The following CCDC73 variants were observed in gnomAD, a reference collection of about 807,000 sequenced individuals.
CCDC73 encodes the protein coiled-coil domain containing 73, also known as coiled-coil domain-containing protein 73.
CCDC73 carries 95 observed loss-of-function variants against 116.5 expected under a neutral mutation model. The ratio of observed to expected loss-of-function variants is 0.82; its 90% CI spans 0.69 to 0.97. The LOEUF (loss-of-function observed/expected upper bound fraction) is 0.97, where lower values mean the gene tolerates loss of function less well. Among genes scored for constraint, CCDC73 ranks in the 50% least tolerant of loss-of-function variants. CCDC73 has a pLI of 0.00. For synonymous variants in CCDC73, 398 were observed against 401.3 expected, an observed-to-expected ratio of 0.99 and a Z score of 0.10; for missense variants, 1,066 against 1,206.8, an observed-to-expected ratio of 0.88 and a Z score of 1.73.
intron 2 of CCDC73, among the ~76,000 whole-genome samples, chr11:32,721,519 T>C (rs1008926126): frequency 6.6e-6 from 1 of 152,190 alleles, no homozygotes; most frequent in Non-Finnish European, 1.5e-5. Context: ...CATAACAACA[T>C]GTTGGAGAGA....
At chr11:32,702,267 T>C (rs749479891) in intron 4 of CCDC73, among the ~76,000 whole-genome samples, 4 of 152,260 alleles carry the variant, frequency 2.6e-5, no homozygotes, top group Non-Finnish European at 5.9e-5. Context: ...TCTCAAACTG[T>C]TATAATATTC....
At position 32,741,388 on chromosome 11, in the gene CCDC73, CTCTT is replaced by C; in HGVS notation, c.135+18717_135+18720del. On this transcript the variant is annotated intron_variant, in intron 2 of 17. Coordinates refer to ENST00000335185, the MANE Select transcript of CCDC73 (RefSeq NM_001008391.4). ...CATATATTTTTACAACTGTTATATC[CTCTT>C]TCTGACTTGACCCCTTTATCATTAT... Among the ~76,000 whole-genome samples, 3 of 152,214 alleles carry C rather than the reference CTCTT, an allele frequency of 2.0e-5. No individual in the cohort carries two copies. In the South Asian group the frequency reaches 6.2e-4, roughly 32 times the overall value.
intron 13 of CCDC73, among the ~76,000 whole-genome samples, chr11:32,640,237 C>T (rs1855720540): frequency 6.6e-6 from 1 of 152,144 alleles, no homozygotes; most frequent in Admixed American, 6.5e-5. Flanking sequence ...GATTGCAGAA[C>T]TTAAAAATTC....
At chr11:32,629,584 G>A (rs927305114) in intron 14 of CCDC73, among the ~76,000 whole-genome samples, 4 of 152,048 alleles carry the variant, frequency 2.6e-5, no homozygotes, top group African/African-American at 9.7e-5. Context: ...ATTTTTAGTA[G>A]AGACGGGGTT....
At chr11:32,809,197 G>A in the CCDC73 span, among the ~76,000 whole-genome samples, 9 of 152,198 alleles carry the variant, frequency 5.9e-5, no homozygotes, top group African/African-American at 1.9e-4. Context: ...GCCTTCAACA[G>A]AAGTAAGGTT....
chr11:32,629,279 A>C (rs1855605697), intron 14 of CCDC73, among the ~76,000 whole-genome samples: 2 of 152,212 alleles, frequency 1.3e-5, no homozygotes, highest in African/African-American at 4.8e-5. Flanking sequence ...ATTTAATGAA[A>C]ACTATATATA....
At chr11:32,793,189 G>C (rs1253488684) in intron 1 of CCDC73, among the ~76,000 whole-genome samples, 1 of 152,144 alleles carries the variant, frequency 6.6e-6, no homozygotes, top group Non-Finnish European at 1.5e-5. Flanking sequence ...ATCAAAGTGG[G>C]GAATCTAATT....
intron 2 of CCDC73, among the ~76,000 whole-genome samples, chr11:32,755,536 A>AATATATATATATATATATAT (rs375204188): frequency 2.5e-4 from 15 of 59,914 alleles, no homozygotes; most frequent in South Asian, 1.2e-3. Context: ...TCCATCTCAA[A>AATATATATATATATATATAT]ATATATATAT....
At chr11:32,726,488 A>T (rs568483428) in intron 2 of CCDC73, among the ~76,000 whole-genome samples, 1 of 152,296 alleles carries the variant, frequency 6.6e-6, no homozygotes, top group East Asian at 1.9e-4. Flanking sequence ...ACAGAAAAAA[A>T]TAGCTAGACT....
At chr11:32,697,550 C>T (rs1849763407) in intron 6 of CCDC73, among the ~76,000 whole-genome samples, 1 of 131,966 alleles carries the variant, frequency 7.6e-6, no homozygotes, top group South Asian at 2.5e-4. Context: ...GTGACGTAAT[C>T]TCCGCTCACT....
intron 1 of CCDC73, among the ~76,000 whole-genome samples, chr11:32,776,999 A>ATATATATATATACACATG (rs1554970214): frequency 2.2e-5 from 2 of 90,792 alleles, no homozygotes; most frequent in African/African-American, 8.0e-5. Flanking sequence ...GTATATATAT[A>ATATATATATATACACATG]TATATATATA....
the CCDC73 span, among the ~76,000 whole-genome samples, chr11:32,820,423 T>C: frequency 6.6e-6 from 1 of 152,168 alleles, no homozygotes; most frequent in South Asian, 2.1e-4. Flanking sequence ...CCCAAAGTGG[T>C]GGGATTACAG....
intron 1 of CCDC73, among the ~76,000 whole-genome samples, chr11:32,777,398 C>A (rs1464995998): frequency 6.6e-6 from 1 of 152,112 alleles, no homozygotes; most frequent in Non-Finnish European, 1.5e-5. Context: ...AGCCACCACA[C>A]CCAGCCATCA....
chr11:32,826,658 A>T, the CCDC73 span, among the ~76,000 whole-genome samples: 1 of 132,198 alleles, frequency 7.6e-6, no homozygotes, highest in Non-Finnish European at 1.6e-5. Context: ...AAAAAAAAAA[A>T]ACAAAAAAAA....
At chr11:32,604,612 GTTC>G (rs1312318728) in intron 17 of CCDC73, 1 of 152,036 alleles carries the variant, frequency 6.6e-6, no homozygotes, top group Non-Finnish European at 1.5e-5. Context: ...ATTTCCTCCT[GTTC>G]TTAAGTCTGT....
At chr11:32,782,528 C>T (rs1243817743) in intron 1 of CCDC73, among the ~76,000 whole-genome samples, 2 of 152,288 alleles carry the variant, frequency 1.3e-5, no homozygotes, top group East Asian at 1.9e-4. Context: ...CTTTCTGGTG[C>T]CCCATTCTTA....
chr11:32,716,561 GATTT>G (rs1377926182), intron 3 of CCDC73, among the ~76,000 whole-genome samples: 10 of 151,928 alleles, frequency 6.6e-5, no homozygotes, highest in Admixed American at 1.3e-4. Context: ...TTTTAAATTG[GATTT>G]ATTTATTTAT....
chr11:32,760,416 A>C (rs1799451421), intron 1 of CCDC73, among the ~76,000 whole-genome samples, 158 bp from the exon 2 acceptor site: 1 of 152,208 alleles, frequency 6.6e-6, no homozygotes, highest in African/African-American at 2.4e-5. Flanking sequence ...TTGACCAAAA[A>C]AACACTTAGC....
At position 32,603,066 on chromosome 11, in the gene CCDC73, G is replaced by C. The variant is rs536261881; in HGVS notation, c.3031-46C>G. ...TTACCTTCGAAATTATTATACAAAA[G>C]ATTTTAAAGAGTCTGTAAAGCCTCT... On this transcript the variant is annotated intron_variant, in intron 17 of 17. Transcript: ENST00000335185. 248 of 1,464,720 alleles carry C rather than the reference G, an allele frequency of 1.7e-4. 1 individual carries two copies. In the South Asian group the frequency reaches 3.0e-3, roughly 18 times the overall value. 90.7% of individuals were successfully genotyped at this position (1,464,720 alleles called of 1,614,324 possible).
Sources: gnomAD v4.1 joint callset for allele counts (sites outside exome capture counted in the v4.1 genomes callset) on GRCh38, gnomAD v4.1.1 for gene constraint, MANE v1.5 for transcripts, NCBI Gene and HGNC (gene_info 2026-07-23, HGNC 2026-07-21) for gene names.